UNC13C: variants seen among roughly 807,000 people sequenced by gnomAD.
UNC13C encodes the protein protein unc-13 homolog C.
UNC13C carries 174 observed loss-of-function variants against 245.4 expected under a neutral mutation model. The observed-to-expected ratio is 0.71, with a 90% CI of 0.63 to 0.80. The LOEUF is 0.80. Ranked by LOEUF, UNC13C falls within the 30% of genes least tolerant of loss-of-function variation. UNC13C has a pLI of 0.00. For synonymous variants in UNC13C, 992 were observed against 895.1 expected, an observed-to-expected ratio of 1.11 and a Z score of -1.93; for missense variants, 2,829 against 2,602.9, an observed-to-expected ratio of 1.09 and a Z score of -1.89.
the UNC13C span, among the ~76,000 whole-genome samples, chr15:53,879,342 T>G: frequency 6.6e-6 from 1 of 151,946 alleles, no homozygotes; most frequent in Non-Finnish European, 1.5e-5. Flanking sequence ...TTAGAAAATT[T>G]TAGTAGAGTG....
intron 2 of UNC13C, among the ~76,000 whole-genome samples, chr15:54,080,222 T>C (rs187493140): frequency 6.6e-6 from 1 of 152,116 alleles, no homozygotes; most frequent in East Asian, 1.9e-4. Flanking sequence ...TTTGATTTGC[T>C]AGTATTTTGT....
At chr15:54,377,911 T>C (rs150708177) in intron 17 of UNC13C, among the ~76,000 whole-genome samples, 12 of 152,340 alleles carry the variant, frequency 7.9e-5, no homozygotes, top group African/African-American at 2.9e-4. Flanking sequence ...GATTACATTT[T>C]CATATCTGTG....
the UNC13C span, among the ~76,000 whole-genome samples, chr15:53,841,962 A>C: frequency 0.012 from 1,781 of 152,314 alleles, 31 homozygotes; most frequent in African/African-American, 0.041. Context: ...ACTTTGGGGA[A>C]GATCTTTATA....
At chr15:54,276,838 T>C (rs1387129303) in intron 10 of UNC13C, among the ~76,000 whole-genome samples, 1 of 152,272 alleles carries the variant, frequency 6.6e-6, no homozygotes, top group South Asian at 2.1e-4. Context: ...GTACTTTATA[T>C]ATGTTACTGT....
chr15:54,354,756 G>T (rs1210937279), intron 17 of UNC13C, among the ~76,000 whole-genome samples: 1 of 152,126 alleles, frequency 6.6e-6, no homozygotes, highest in African/African-American at 2.4e-5. Context: ...ACAACTTAAA[G>T]ATCAGTGCCC....
intron 4 of UNC13C, among the ~76,000 whole-genome samples, chr15:54,234,026 T>C (rs2035622137): frequency 6.6e-6 from 1 of 152,184 alleles, no homozygotes; most frequent in South Asian, 2.1e-4. Context: ...GAAACAAATG[T>C]TAATACCTCT....
chr15:54,405,937 G>A (rs2040282425), intron 18 of UNC13C, among the ~76,000 whole-genome samples: 1 of 151,806 alleles, frequency 6.6e-6, no homozygotes, highest in South Asian at 2.1e-4. Context: ...AGAAGACTGT[G>A]TAAATGTAAT....
At chr15:54,454,790 T>A (rs541995077) in intron 19 of UNC13C, among the ~76,000 whole-genome samples, 3 of 134,014 alleles carry the variant, frequency 2.2e-5, no homozygotes, top group Non-Finnish European at 4.8e-5. Flanking sequence ...ATCTCTTTTT[T>A]AAATTTTATT....
chr15:54,319,236 T>C lies in UNC13C; in HGVS notation c.4269-2703T>C, dbSNP rs562274364. ...CTACACCATTTTAGGCATTACATTTTCCACAACTTTTGACCTGTGATTTTA... is the reference window on the plus strand; with the variant it reads ...CTACACCATTTTAGGCATTACATTTCCCACAACTTTTGACCTGTGATTTTA... On this transcript the variant is annotated intron_variant, in intron 13 of 32. Transcript: ENST00000260323. Among the ~76,000 whole-genome samples, 265 of 151,674 alleles carry C rather than the reference T, an allele frequency of 1.7e-3. 2 individuals are homozygous for C. The highest frequency in any genetic ancestry group is 3.4e-3 in the Middle Eastern group (1 of 294).
At chr15:54,240,526 T>G (rs1413161407) in intron 7 of UNC13C, among the ~76,000 whole-genome samples, 1 of 152,216 alleles carries the variant, frequency 6.6e-6, no homozygotes, top group East Asian at 1.9e-4. Context: ...AGCTCAGTCA[T>G]CTTTTCCAAG....
the UNC13C span, among the ~76,000 whole-genome samples, chr15:53,842,293 G>C: frequency 6.6e-5 from 10 of 152,196 alleles, no homozygotes; most frequent in East Asian, 1.5e-3. Flanking sequence ...AATTTATGTT[G>C]TTGAAAAGAT....
intron 27 of UNC13C, among the ~76,000 whole-genome samples, chr15:54,549,229 G>T (rs1896626965): frequency 6.6e-6 from 1 of 152,152 alleles, no homozygotes; most frequent in Admixed American, 6.6e-5. Context: ...CAGCATTTTA[G>T]AAGGAGCAAT....
chr15:54,337,682 G>T (rs2038620916), intron 16 of UNC13C, among the ~76,000 whole-genome samples: 1 of 152,062 alleles, frequency 6.6e-6, no homozygotes, highest in Admixed American at 6.6e-5. Context: ...TCTCATAATT[G>T]GTCTTTCTAT....
chr15:54,515,019 A>C (rs762161596), intron 24 of UNC13C, among the ~76,000 whole-genome samples: 43 of 152,320 alleles, frequency 2.8e-4, no homozygotes, highest in Middle Eastern at 3.4e-3. Context: ...TTTCCAACAC[A>C]CTTCTCTGCA....
intron 19 of UNC13C, among the ~76,000 whole-genome samples, chr15:54,448,756 A>G (rs1433023474): frequency 4.6e-5 from 7 of 152,016 alleles, no homozygotes; most frequent in Admixed American, 3.9e-4. Flanking sequence ...TTTTAATTGG[A>G]GCATTTAGCC....
the UNC13C span, among the ~76,000 whole-genome samples, chr15:53,934,761 G>T: frequency 6.6e-6 from 1 of 152,126 alleles, no homozygotes; most frequent in Non-Finnish European, 1.5e-5. Context: ...TCTGATGAGG[G>T]TTCTGTTCCT....
In UNC13C at chr15:54,393,031, C is replaced by A; in HGVS notation, c.4714-17C>A. 1 of 1,565,484 alleles carries A rather than the reference C, an allele frequency of 6.4e-7. No homozygotes were observed. The highest frequency in any genetic ancestry group is 1.2e-5 in the South Asian group (1 of 82,544). ...ATTTAACCTTTTCTTTTGCATGTTG[C>A]GTGAACTTGTGAGCAGAGTAAGAAA... is the stretch of plus-strand genomic sequence containing the variant. On this transcript the variant is annotated splice_polypyrimidine_tract_variant and intron_variant, in intron 17 of 32. Transcript: ENST00000260323.
chr15:54,162,700 T>C (rs535956248), intron 4 of UNC13C, among the ~76,000 whole-genome samples: 4 of 152,340 alleles, frequency 2.6e-5, no homozygotes, highest in Admixed American at 6.5e-5. Flanking sequence ...TTGCATACAA[T>C]ACAAACTACT....
intron 2 of UNC13C, among the ~76,000 whole-genome samples, chr15:54,130,287 A>ATT (rs71824258): frequency 0.59 from 45,975 of 78,158 alleles, 13,552 homozygotes; most frequent in South Asian, 0.69. Flanking sequence ...TAGATAATTA[A>ATT]TTTTTTTTTT....
Sources: allele counts gnomAD v4.1 joint callset (sites outside exome capture counted in the v4.1 genomes callset), GRCh38; gene constraint gnomAD v4.1.1; transcripts MANE v1.5; gene names NCBI Gene and HGNC (gene_info 2026-07-23, HGNC 2026-07-21).